The following MGAM variants were observed in gnomAD, a reference collection of about 807,000 sequenced individuals.
MGAM encodes the protein maltase-glucoamylase.
MGAM carries 253 observed loss-of-function variants against 358.8 expected under a neutral mutation model. The observed-to-expected ratio is 0.71, with a 90% CI of 0.64 to 0.78. MGAM has a LOEUF of 0.78. Among genes scored for constraint, MGAM ranks in the 30% least tolerant of loss-of-function variants. The pLI is 0.00. For missense variants in MGAM, 3,080 were observed against 3,432.6 expected (o/e 0.90, Z 2.57); for synonymous variants, 1,105 against 1,227.1 (o/e 0.90, Z 2.08).
intron 45 of MGAM, among the ~76,000 whole-genome samples, chr7:142,074,535 C>T (rs1813587990): frequency 7.1e-6 from 1 of 141,444 alleles, no homozygotes; most frequent in Non-Finnish European, 1.6e-5. Flanking sequence ...AATCATGCAC[C>T]TGCCAGTGAG....
intron 67 of MGAM, 53 bp downstream of exon 67, chr7:142,099,790 G>T (rs1816288074): frequency 1.3e-6 from 2 of 1,595,166 alleles, no homozygotes; most frequent in Non-Finnish European, 1.7e-6. Flanking sequence ...TCAACAATTT[G>T]TAATGAAGTC....
In MGAM at chr7:142,071,519, A is replaced by G. The variant is rs1465026103; in HGVS notation, c.5186+401A>G. 4.8e-5 allele frequency among the ~76,000 whole-genome samples: 7 copies of G among 146,276 alleles called. 1 individual carries two copies. The South Asian group carries it at 1.5e-3, about 32-fold the overall frequency. Reference sequence around the variant, plus strand: ...TTTCTTTTCAAACACGCTAACAGCCAGGTGGTCAGCCTCCTTGGTTTGCCA... The same window carrying G: ...TTTCTTTTCAAACACGCTAACAGCCGGGTGGTCAGCCTCCTTGGTTTGCCA... On this transcript the variant is annotated intron_variant, in intron 44 of 70. Transcript: ENST00000475668.
chr7:141,998,444 C>T (rs1188215366), intron 1 of MGAM, among the ~76,000 whole-genome samples: 2 of 152,114 alleles, frequency 1.3e-5, no homozygotes, highest in African/African-American at 4.8e-5. Flanking sequence ...GTGTGATGTT[C>T]CCCTCCCCAT....
chr7:142,014,107 G>T lies in MGAM; in HGVS notation c.328-5092G>T, dbSNP rs145327745. Among the ~76,000 whole-genome samples, 47 of 152,320 alleles carry T rather than the reference G, an allele frequency of 3.1e-4. No individual in the cohort carries two copies. In the East Asian group the frequency reaches 3.3e-3, roughly 11 times the overall value. ...TAAAATCCTTAGCACTCCAGCTTCA[G>T]TGAAGGAGGATAAGGCCTGAGCTTT... On this transcript the variant is annotated intron_variant, in intron 3 of 70. Coordinates refer to ENST00000475668, the MANE Select transcript of MGAM (RefSeq NM_001365693.1).
chr7:142,065,728 T>C lies in MGAM; in HGVS notation c.4667T>C (p.Ile1556Thr). 11 of 1,567,510 alleles carry C rather than the reference T, an allele frequency of 7.0e-6. 1 individual carries two copies. The highest frequency in any genetic ancestry group is 8.8e-6 in the Non-Finnish European group (10 of 1,141,656). Reference sequence around the variant, plus strand: ...CTCTTGTTTCAGACGGGAGCAGATATCTGTGGGTTCTTTCAAGACGCTGAG... The same window carrying C: ...CTCTTGTTTCAGACGGGAGCAGATACCTGTGGGTTCTTTCAAGACGCTGAG... ...LFGISYTGAD[I>T]CGFFQDAEYE... The change falls in exon 40 of 71, where the codon ATC becomes ACC. Residue 1556 changes from isoleucine to threonine, a missense_variant. Physicochemically the swap from Ile to Thr is moderately conservative, Grantham distance 89. Around this residue, in one of 5 missense-constraint regions of MGAM, gnomAD observed 134 missense variants for 198.4 expected, o/e 0.68. Coordinates refer to ENST00000475668, the MANE Select transcript of MGAM (RefSeq NM_001365693.1).
At chr7:142,058,160 G>A in intron 30 of MGAM, 43 bp from the exon 31 acceptor site, 2 of 1,612,032 alleles carry the variant, frequency 1.2e-6, no homozygotes, top group Non-Finnish European at 8.5e-7. Context: ...CTTCAATGTG[G>A]TGCCTCTGTT....
At chr7:141,986,548 T>G (rs1803713991) in intron 2 of MGAM, among the ~76,000 whole-genome samples, 1 of 152,150 alleles carries the variant, frequency 6.6e-6, no homozygotes, top group South Asian at 2.1e-4. Context: ...AGACATTGTT[T>G]GTGAATTTAA....
At chr7:142,009,175 A>C (rs1805408980) in intron 3 of MGAM, among the ~76,000 whole-genome samples, 1 of 152,136 alleles carries the variant, frequency 6.6e-6, no homozygotes, top group Non-Finnish European at 1.5e-5. Flanking sequence ...CATTATTTAA[A>C]ATAAGGGCAA....
At chr7:142,045,180 C>G (rs1193367056) in intron 21 of MGAM, among the ~76,000 whole-genome samples, 1 of 33,886 alleles carries the variant, frequency 3.0e-5, no homozygotes, top group Non-Finnish European at 5.9e-5. Context: ...TATTATATAA[C>G]ATATATGATA....
intron 44 of MGAM, 124 bp from the exon 45 acceptor site, chr7:142,073,961 T>A: frequency 1.4e-6 from 1 of 730,796 alleles, no homozygotes; most frequent in African/African-American, 1.7e-5. Flanking sequence ...TGTTTGTACC[T>A]CAAGAAACAG....
chr7:141,986,524 C>G (rs148512507), intron 2 of MGAM, among the ~76,000 whole-genome samples: 5 of 152,050 alleles, frequency 3.3e-5, no homozygotes, highest in South Asian at 4.2e-4. Context: ...TGACAGAGAC[C>G]GTACATGGCT....
chr7:142,088,582 CCTCATCTAT>C, intron 57 of MGAM, among the ~76,000 whole-genome samples: 1 of 114,756 alleles, frequency 8.7e-6, no homozygotes, highest in East Asian at 2.3e-4. Context: ...CTATCATCTA[CCTCATCTAT>C]CTATATCTAT....
chr7:142,061,824 AT>A (rs1272920838), intron 34 of MGAM, among the ~76,000 whole-genome samples: 1 of 152,210 alleles, frequency 6.6e-6, no homozygotes. Context: ...TATGTATTTT[AT>A]CCCAGGTTCT....
Position 142,019,239 on chromosome 7 carries a change from G to A in MGAM, c.368G>A (p.Gly123Glu), listed in dbSNP as rs1475463265. The change falls in exon 4 of 71, where the codon GGA (glycine) becomes GAA (glutamate). Residue 123 changes from glycine (G) to glutamate (E), a missense_variant. Gly to Glu is a moderately conservative substitution (Grantham distance 98). Transcript: ENST00000475668. ...DQRGCCWNPQ[G>E]AVSVPWCYYS... ...CGTGGCTGTTGCTGGAATCCCCAGGGAGCTGTAAGTGTTCCCTGGTGCTAC... is the reference window on the plus strand; with the variant it reads ...CGTGGCTGTTGCTGGAATCCCCAGGAAGCTGTAAGTGTTCCCTGGTGCTAC... The A allele has an allele frequency of 6.2e-7, 1 of 1,613,560 alleles. No individual in the cohort carries two copies. The highest frequency in any genetic ancestry group is 1.7e-5 in the Admixed American group (1 of 59,996).
intron 2 of MGAM, among the ~76,000 whole-genome samples, chr7:141,989,715 T>G (rs1803863326): frequency 6.6e-6 from 1 of 152,028 alleles, no homozygotes; most frequent in Non-Finnish European, 1.5e-5. Context: ...CTCCAAATTT[T>G]CCAAAATTCC....
chr7:141,993,063 A>G (rs369798903), upstream of MGAM, among the ~76,000 whole-genome samples: 15 of 152,364 alleles, frequency 9.8e-5, no homozygotes, highest in African/African-American at 3.4e-4. Context: ...GTAAACTTTC[A>G]AAGAGATAAA....
In MGAM at chr7:142,060,506, G is replaced by T. The variant is rs537969435; in HGVS notation, c.4122+133G>T. ...GAAACACTTAGGTGATGTGTCTTGG[G>T]TGTCATTCTGTATGCCTATTACTTT... is the stretch of plus-strand genomic sequence containing the variant. On this transcript the variant is annotated intron_variant, in intron 34 of 70. Transcript: ENST00000475668. 5.7e-6 allele frequency: 6 copies of T among 1,056,136 alleles called. No homozygotes were observed. In the South Asian group the frequency reaches 7.4e-5, roughly 13 times the overall value. 65.4% of individuals were successfully genotyped at this position (1,056,136 alleles called of 1,614,324 possible). A position where few individuals can be genotyped will look rare whatever the true frequency, so the allele number is the denominator to read the frequency against.
upstream of MGAM, among the ~76,000 whole-genome samples, chr7:141,991,155 A>G (rs146321614): frequency 1.5e-3 from 234 of 152,322 alleles, no homozygotes; most frequent in African/African-American, 5.1e-3. Flanking sequence ...CCGACTGCAT[A>G]GCGTAGTTAC....
chr7:142,034,140 G>A lies in MGAM; in HGVS notation c.1670-122G>A, dbSNP rs549814224. On this transcript the variant is annotated intron_variant, in intron 14 of 70. Transcript: ENST00000475668. ...CATTCTAATAGTAAGGGAGCAGTGTGACTGTTTACAGGATGCCCACAAAAG... is the reference window on the plus strand; with the variant it reads ...CATTCTAATAGTAAGGGAGCAGTGTAACTGTTTACAGGATGCCCACAAAAG... The A allele has an allele frequency of 1.4e-5, 9 of 645,268 alleles. No individual in the cohort carries two copies. In the African/African-American group the frequency reaches 1.5e-4, roughly 10 times the overall value. The allele number at this position is 645,268 out of a possible 1,614,324, so 40.0% of individuals were successfully genotyped here.
Sources: gnomAD v4.1 joint callset for allele counts (sites outside exome capture counted in the v4.1 genomes callset) on GRCh38, gnomAD v4.1.1 for gene constraint, gnomAD v4.1.1 regional missense constraint, MANE v1.5 for transcripts, NCBI Gene and HGNC (gene_info 2026-07-23, HGNC 2026-07-21) for gene names.